MGST1: variants seen among roughly 807,000 people sequenced by gnomAD.
MGST1 encodes the protein glutathione S-transferase 12.
In MGST1, 5 loss-of-function variants were observed where a neutral mutation model predicts 8.9. The ratio of observed to expected loss-of-function variants is 0.56; its 90% CI spans 0.29 to 1.19. MGST1 has a LOEUF of 1.19. Ranked by LOEUF, MGST1 falls within the 50% of genes most tolerant of loss-of-function variation. The pLI is 0.08. For missense variants in MGST1, 182 were observed against 187.4 expected (o/e 0.97, Z 0.17); for synonymous variants, 54 against 67.8 (o/e 0.80, Z 1.00).
intron 4 of MGST1, chr12:16,550,406 G>C (rs1022229109): frequency 6.6e-6 from 1 of 152,236 alleles, no homozygotes; most frequent in Non-Finnish European, 1.5e-5. Context: ...AAGGGGTGTG[G>C]CTGAAAAAGC....
intron 4 of MGST1, among the ~76,000 whole-genome samples, chr12:16,566,527 T>G (rs886451941): frequency 2.0e-5 from 3 of 152,046 alleles, no homozygotes; most frequent in Admixed American, 6.6e-5. Context: ...CCTAGAAATA[T>G]GTACCATTAT....
intron 4 of MGST1, among the ~76,000 whole-genome samples, chr12:16,498,077 A>G (rs1941481355): frequency 6.6e-6 from 1 of 152,182 alleles, no homozygotes; most frequent in Non-Finnish European, 1.5e-5. Flanking sequence ...GAATTTTTTC[A>G]TCTTCCATCA....
intron 4 of MGST1, chr12:16,550,218 C>CA (rs1275221533): frequency 6.6e-6 from 1 of 152,268 alleles, no homozygotes; most frequent in East Asian, 1.9e-4. Context: ...CAGTGTCATA[C>CA]ATTTATTAAG....
In MGST1 at chr12:16,586,441, C is replaced by G. The variant is rs1157053364; in HGVS notation, n.483-3087C>G. 6.6e-6 allele frequency among the ~76,000 whole-genome samples: 1 copy of G among 152,202 alleles called. No homozygotes were observed. The highest frequency in any genetic ancestry group is 2.4e-5 in the African/African-American group (1 of 41,456). ...TTTCTGGTTCTCCTCCAACACACAGCTGAGTCACAGAGGCCCTGGACAATG... is the reference window on the plus strand; with the variant it reads ...TTTCTGGTTCTCCTCCAACACACAGGTGAGTCACAGAGGCCCTGGACAATG... On this transcript the variant is annotated intron_variant and non_coding_transcript_variant, in intron 4 of 4. Coordinates refer to the MGST1 transcript ENST00000538857. This position sits in a 1 kb window ranked among gnomAD's most constrained non-coding sequence, Gnocchi z 4.3.
intron 2 of MGST1, among the ~76,000 whole-genome samples, chr12:16,355,488 C>T (rs762074406): frequency 2.6e-5 from 4 of 152,048 alleles, no homozygotes; most frequent in African/African-American, 7.2e-5. Flanking sequence ...GGATTACAGG[C>T]GTGGGCCTGG....
chr12:16,414,062 CAA>C (rs775074092), intron 1 of MGST1, among the ~76,000 whole-genome samples: 1 of 124,688 alleles, frequency 8.0e-6, no homozygotes. Context: ...TGGTTTTATA[CAA>C]AAAAAAAAAT....
rs1007547419 is a variant in MGST1, at chr12:16,400,404, C to A, written n.778+16800C>A. ...CACGGGCCTCCAGTGAGCCTTGCAG[C>A]CTCTTTTGGGCAATATTTGGGCGAA... is the stretch of plus-strand genomic sequence containing the variant. On this transcript the variant is annotated intron_variant and non_coding_transcript_variant, in intron 1 of 1. Transcript: ENST00000359720. 9.8e-6 allele frequency: 8 copies of A among 818,714 alleles called. No individual in the cohort carries two copies. In the Admixed American group the frequency reaches 1.4e-4, roughly 14 times the overall value. 50.7% of individuals were successfully genotyped at this position (818,714 alleles called of 1,614,324 possible).
At chr12:16,465,820 C>G (rs1432625101) in intron 4 of MGST1, among the ~76,000 whole-genome samples, 2 of 152,136 alleles carry the variant, frequency 1.3e-5, no homozygotes, top group Non-Finnish European at 2.9e-5. Flanking sequence ...TGAAAGTGGT[C>G]CCTGGTGCCA....
In MGST1 at chr12:16,399,507, G is replaced by T. The variant is rs534755674; in HGVS notation, n.778+15903G>T. On this transcript the variant is annotated intron_variant and non_coding_transcript_variant, in intron 1 of 1. Coordinates refer to the MGST1 transcript ENST00000359720. The stretch of plus-strand genomic sequence containing the variant: ...TTCACTACCCAACGACTCCTTAGAA[G>T]AGTCTGACTCTTCTGCTTCTGATGA... 9.6e-6 allele frequency: 15 copies of T among 1,559,990 alleles called. No homozygotes were observed. The East Asian group carries it at 2.0e-4, about 21-fold the overall frequency.
chr12:16,431,917 C>G (rs1357541201), intron 1 of MGST1, among the ~76,000 whole-genome samples: 1 of 152,082 alleles, frequency 6.6e-6, no homozygotes, highest in Non-Finnish European at 1.5e-5. Context: ...TTTATTTCAA[C>G]CATCATATTT....
intron 4 of MGST1, among the ~76,000 whole-genome samples, chr12:16,570,878 C>T (rs1278450470): frequency 1.3e-5 from 2 of 152,156 alleles, no homozygotes; most frequent in Non-Finnish European, 2.9e-5. Context: ...TCAAACATTT[C>T]TTCTAGGGTT....
Position 16,584,598 on chromosome 12 carries a change from A to G in MGST1, n.483-4930A>G, listed in dbSNP as rs1407806554. On this transcript the variant is annotated intron_variant and non_coding_transcript_variant, in intron 4 of 4. Transcript: ENST00000538857. This position sits in a 1 kb window ranked among gnomAD's most constrained non-coding sequence, Gnocchi z 5.2. ...CAAGTGGAGGAGTGGGGGGGGTAAG[A>G]GGCCTGTTTAGAGGTGGATGGCCTC... Among the ~76,000 whole-genome samples, 1 of 151,924 alleles carries G rather than the reference A, an allele frequency of 6.6e-6. No homozygotes were observed. The highest frequency in any genetic ancestry group is 1.5e-5 in the Non-Finnish European group (1 of 67,998).
chr12:16,499,169 A>G (rs1941488797), intron 4 of MGST1, among the ~76,000 whole-genome samples: 1 of 152,198 alleles, frequency 6.6e-6, no homozygotes, highest in Non-Finnish European at 1.5e-5. Flanking sequence ...AGGTACAATA[A>G]CAGCATCTGC....
At chr12:16,554,439 A>C (rs577874075) in intron 4 of MGST1, among the ~76,000 whole-genome samples, 1 of 152,074 alleles carries the variant, frequency 6.6e-6, no homozygotes, top group Non-Finnish European at 1.5e-5. Context: ...TAAGTTAGAG[A>C]TTTCTATACT....
chr12:16,393,782 C>CA (rs1475155702), intron 1 of MGST1, among the ~76,000 whole-genome samples: 2 of 152,196 alleles, frequency 1.3e-5, no homozygotes, highest in African/African-American at 4.8e-5. Flanking sequence ...TACACTTCAA[C>CA]ACCAGGAATG....
At position 16,589,138 on chromosome 12, in the gene MGST1, G is replaced by A. The variant is rs1364154803; in HGVS notation, n.483-390G>A. 6.6e-6 allele frequency among the ~76,000 whole-genome samples: 1 copy of A among 152,086 alleles called. No individual in the cohort carries two copies. Among genetic ancestry groups the A allele is most frequent in the African/African-American group, 2.4e-5 (1 of 41,432 alleles). On this transcript the variant is annotated intron_variant and non_coding_transcript_variant, in intron 4 of 4. Transcript: ENST00000538857. The surrounding 1 kb of genome is among the most constrained non-coding windows in gnomAD (Gnocchi z 4.2). Reference sequence around the variant, plus strand: ...TGCCTCTAAGATCTACGAATTAGATGTAACCTCACCCAGTTTGGAAGATTT... The same window carrying A: ...TGCCTCTAAGATCTACGAATTAGATATAACCTCACCCAGTTTGGAAGATTT...
intron 4 of MGST1, among the ~76,000 whole-genome samples, chr12:16,526,260 G>A (rs1941686475): frequency 6.6e-6 from 1 of 151,878 alleles, no homozygotes; most frequent in African/African-American, 2.4e-5. Flanking sequence ...TTTTCTTCTA[G>A]GGTTTTTAGG....
intron 1 of MGST1, among the ~76,000 whole-genome samples, chr12:16,384,577 G>C (rs1479768012): frequency 6.6e-6 from 1 of 152,166 alleles, no homozygotes; most frequent in Non-Finnish European, 1.5e-5. Flanking sequence ...CTTGATTTCA[G>C]GTTTCTGACC....
intron 1 of MGST1, among the ~76,000 whole-genome samples, chr12:16,414,967 T>G (rs770444094): frequency 2.0e-5 from 3 of 152,060 alleles, no homozygotes; most frequent in Non-Finnish European, 4.4e-5. Context: ...GAGGTTGCAG[T>G]GAGCCAAGAT....
Sources: allele counts gnomAD v4.1 joint callset (sites outside exome capture counted in the v4.1 genomes callset), GRCh38; gene constraint gnomAD v4.1.1; non-coding constraint Gnocchi (gnomAD v3.1); transcripts MANE v1.5; gene names NCBI Gene and HGNC (gene_info 2026-07-23, HGNC 2026-07-21).